Variants in NSUN3 observed in about 807,000 individuals in gnomAD.
NSUN3 encodes the protein NOP2/Sun RNA methyltransferase 3, also known as tRNA (cytosine(34)-C(5))-methyltransferase, mitochondrial.
A neutral mutation model predicts 36.8 loss-of-function variants in NSUN3; 24 were observed. The ratio of observed to expected loss-of-function variants is 0.65; its 90% CI spans 0.47 to 0.92. The LOEUF is 0.92. Ranked by LOEUF, NSUN3 falls within the 40% of genes least tolerant of loss-of-function variation. The pLI, the probability that NSUN3 is intolerant of heterozygous loss-of-function variation, is 0.00. For synonymous variants in NSUN3, 146 were observed against 145.2 expected (o/e 1.01, Z -0.04); for missense variants, 381 against 392.8 (o/e 0.97, Z 0.25).
chr3:94,084,420 T>TGTGCACA lies in NSUN3; in HGVS notation c.436_437insGTGCACA (p.Ser146CysfsTer18). ...TCTCTGTGCTGCTCCTGGAGGGAAATCAATAGCTCTGCTGCAGTGTGCTTG... is the reference window on the plus strand; with the variant it reads ...TCTCTGTGCTGCTCCTGGAGGGAAATGTGCACACAATAGCTCTGCTGCAGTGTGCTTG... On this transcript the variant is annotated frameshift_variant, in exon 3 of 6. Transcript: ENST00000314622. LOFTEE classifies it high-confidence loss of function. The TGTGCACA allele has an allele frequency of 1.2e-6, 2 of 1,613,928 alleles. No individual in the cohort carries two copies. The highest frequency in any genetic ancestry group is 1.7e-6 in the Non-Finnish European group (2 of 1,179,916).
chr3:94,073,005 C>CA (rs1173816536), intron 2 of NSUN3, among the ~76,000 whole-genome samples: 1 of 152,090 alleles, frequency 6.6e-6, no homozygotes, highest in Non-Finnish European at 1.5e-5. Flanking sequence ...TCCCTGTGTC[C>CA]ATGTGTTCTC....
At chr3:94,079,335 A>G (rs760655709) in intron 2 of NSUN3, among the ~76,000 whole-genome samples, 2 of 152,076 alleles carry the variant, frequency 1.3e-5, no homozygotes, top group African/African-American at 2.4e-5. Context: ...GGGTGACCCA[A>G]CCTTTCTCTC....
chr3:94,104,972 T>C (rs2077382884), intron 5 of NSUN3, among the ~76,000 whole-genome samples: 1 of 152,196 alleles, frequency 6.6e-6, no homozygotes, highest in Non-Finnish European at 1.5e-5. Context: ...CTTAATAATT[T>C]GAAAAGCTTT....
chr3:94,079,543 C>T (rs1158215248), intron 2 of NSUN3, among the ~76,000 whole-genome samples: 1 of 152,118 alleles, frequency 6.6e-6, no homozygotes, highest in Non-Finnish European at 1.5e-5. Flanking sequence ...TTTCATTCTC[C>T]CTGTCACTTT....
intron 5 of NSUN3, among the ~76,000 whole-genome samples, chr3:94,112,103 C>G (rs2077420283): frequency 6.6e-6 from 1 of 152,156 alleles, no homozygotes; most frequent in African/African-American, 2.4e-5. Flanking sequence ...CCAGGGAGGT[C>G]AGTCTTTTGT....
chr3:94,082,708 C>T (rs2077274861), intron 2 of NSUN3, among the ~76,000 whole-genome samples: 1 of 152,120 alleles, frequency 6.6e-6, no homozygotes, highest in Non-Finnish European at 1.5e-5. Flanking sequence ...TTAAATATTT[C>T]CTGCTGGATC....
intron 2 of NSUN3, among the ~76,000 whole-genome samples, chr3:94,079,746 G>C (rs913561909): frequency 6.6e-5 from 10 of 151,762 alleles, no homozygotes; most frequent in African/African-American, 2.4e-4. Context: ...TATGCTTCAC[G>C]AAGTTCTCGT....
In NSUN3 at chr3:94,131,794, A is replaced by G. The variant is rs920034487; in HGVS notation, c.*5304A>G. ...GCCGTCCACACGCTGAACAGCCACT[A>G]CTTTCAGAAATAGACTGAATAAATG... On this transcript the variant is annotated 3_prime_UTR_variant, in exon 6 of 6. Coordinates refer to ENST00000314622, the MANE Select transcript of NSUN3 (RefSeq NM_022072.5). 4.6e-5 allele frequency among the ~76,000 whole-genome samples: 7 copies of G among 152,188 alleles called. No homozygotes were observed. Among genetic ancestry groups the G allele is most frequent in the Admixed American group, 3.3e-4 (5 of 15,284 alleles).
chr3:94,073,691 G>A (rs1011330891), intron 2 of NSUN3, among the ~76,000 whole-genome samples: 14 of 152,200 alleles, frequency 9.2e-5, no homozygotes, highest in African/African-American at 3.4e-4. Flanking sequence ...TGTAGATTCT[G>A]GATATTAGCC....
intron 4 of NSUN3, 114 bp from the exon 5 acceptor site, chr3:94,094,919 G>C: frequency 1.9e-6 from 2 of 1,074,914 alleles, no homozygotes; most frequent in Non-Finnish European, 2.7e-6. Context: ...AAAAAGAAAT[G>C]TTTTTACTTA....
chr3:94,108,813 C>T (rs1401518793), intron 5 of NSUN3, among the ~76,000 whole-genome samples: 3 of 152,058 alleles, frequency 2.0e-5, no homozygotes, highest in African/African-American at 7.2e-5. Flanking sequence ...TTATAGGCAC[C>T]CACCACAACA....
In NSUN3 at chr3:94,111,941, C is replaced by T. The variant is rs57068585; in HGVS notation, c.744-14270C>T. ...GACCACTGTCTGCCTGTCTTTCTAT[C>T]GAGAGAGAGAGAGAGATTTAAGGAA... On this transcript the variant is annotated intron_variant, in intron 5 of 5. Transcript: ENST00000314622. Among the ~76,000 whole-genome samples, 304 of 150,590 alleles carry T rather than the reference C, an allele frequency of 2.0e-3. 3 individuals are homozygous for T. In the East Asian group the frequency reaches 0.046, roughly 23 times the overall value.
rs2077498126 is a variant in NSUN3, at chr3:94,128,692, T to A, written c.*2202T>A. 1 of 151,700 alleles carries A rather than the reference T, an allele frequency of 6.6e-6. No homozygotes were observed. Among genetic ancestry groups the A allele is most frequent in the Non-Finnish European group, 1.5e-5 (1 of 67,952 alleles). 9.4% of individuals were successfully genotyped at this position (151,700 alleles called of 1,614,324 possible). ...AGCTTCTGCACAGCAAACTAAACTA[T>A]CAACAGAGTAGCAGACAACTTACAG... On this transcript the variant is annotated 3_prime_UTR_variant, in exon 6 of 6. Coordinates refer to ENST00000314622, the MANE Select transcript of NSUN3 (RefSeq NM_022072.5).
Position 94,130,227 on chromosome 3 carries a change from G to C in NSUN3, c.*3737G>C, listed in dbSNP as rs112156295. Reference sequence around the variant, plus strand: ...CTGTATAGATATATGAAGTGGGGGTGGGGGCCAAGGAGCTATTACTGCTGT... The same window carrying C: ...CTGTATAGATATATGAAGTGGGGGTCGGGGCCAAGGAGCTATTACTGCTGT... On this transcript the variant is annotated 3_prime_UTR_variant, in exon 6 of 6. Transcript: ENST00000314622. 3.6e-3 allele frequency among the ~76,000 whole-genome samples: 551 copies of C among 152,252 alleles called. 1 individual carries two copies. Among genetic ancestry groups the C allele is most frequent in the Middle Eastern group, 0.02 (6 of 294 alleles).
chr3:94,128,166 G>C lies in NSUN3; in HGVS notation c.*1676G>C, dbSNP rs1023166717. 4 of 152,188 alleles carry C rather than the reference G, an allele frequency of 2.6e-5. No homozygotes were observed. The highest frequency in any genetic ancestry group is 6.6e-5 in the Admixed American group (1 of 15,266). The allele number at this position is 152,188 out of a possible 1,614,324, so 9.4% of individuals were successfully genotyped here. ...TTGAACCCAGGAGGCAGAGGTTGCA[G>C]TTAGCCAAGATCTCGCCATTGCACT... On this transcript the variant is annotated 3_prime_UTR_variant, in exon 6 of 6. Transcript: ENST00000314622.
chr3:94,065,852 CCAAA>C (rs1274260036), intron 2 of NSUN3, among the ~76,000 whole-genome samples: 2 of 152,060 alleles, frequency 1.3e-5, no homozygotes, highest in East Asian at 1.9e-4. Flanking sequence ...ATCCAAATAA[CCAAA>C]CACTTATTGC....
chr3:94,083,946 T>A (rs2077281563), intron 2 of NSUN3, among the ~76,000 whole-genome samples, 161 bp from the exon 3 acceptor site: 1 of 152,122 alleles, frequency 6.6e-6, no homozygotes, highest in South Asian at 2.1e-4. Flanking sequence ...TGTCAGAGGC[T>A]CATGAGGCAA....
At chr3:94,068,622 A>G (rs559121615) in intron 2 of NSUN3, among the ~76,000 whole-genome samples, 1 of 152,342 alleles carries the variant, frequency 6.6e-6, no homozygotes, top group East Asian at 1.9e-4. Flanking sequence ...TATGATTAAT[A>G]TAAGCATTAA....
intron 5 of NSUN3, among the ~76,000 whole-genome samples, chr3:94,107,068 A>G (rs2077392638): frequency 6.6e-6 from 1 of 151,704 alleles, no homozygotes; most frequent in Non-Finnish European, 1.5e-5. Context: ...TCAGCCTCCC[A>G]AGTAGTTTGA....
Sources: gnomAD v4.1 joint callset for allele counts (sites outside exome capture counted in the v4.1 genomes callset) on GRCh38, gnomAD v4.1.1 for gene constraint, MANE v1.5 for transcripts, NCBI Gene and HGNC (gene_info 2026-07-23, HGNC 2026-07-21) for gene names.